Variants in WARS2 observed in about 807,000 individuals in gnomAD.
WARS2 encodes tryptophan--tRNA ligase, mitochondrial.
WARS2 carries 28 observed loss-of-function variants against 36.5 expected under a neutral mutation model. That is an observed-to-expected ratio of 0.77 (90% CI 0.57 to 1.05). The LOEUF is 1.05. WARS2 is among the 50% of genes least tolerant of loss of function. The pLI is 0.00. For missense variants in WARS2, 435 were observed against 456.8 expected (o/e 0.95, Z 0.44); for synonymous variants, 174 against 178.4 (o/e 0.98, Z 0.20).
rs997413919 is a variant in WARS2 at position 119,113,700 on chromosome 1, C to T, written c.90+26855G>A. Among the ~76,000 whole-genome samples the T allele has an allele frequency of 6.6e-5, 10 of 152,182 alleles. No individual in the cohort carries two copies. The South Asian group carries it at 1.9e-3, about 28-fold the overall frequency. On this transcript the variant is annotated intron_variant, in intron 1 of 5. Transcript: ENST00000235521. ...AAAACTGAACAAAAAGATCAAATCC[C>T]TGCACTTTTGGAGTTTACCTTCTCA...
At chr1:119,049,962 C>T (rs376480167) in intron 2 of WARS2, among the ~76,000 whole-genome samples, 1 of 152,196 alleles carries the variant, frequency 6.6e-6, no homozygotes, top group African/African-American at 2.4e-5. Context: ...GCCTAAGTGA[C>T]GCCTTTACAA....
At chr1:119,068,134 C>T (rs1237536872) in intron 2 of WARS2, among the ~76,000 whole-genome samples, 8 of 152,320 alleles carry the variant, frequency 5.3e-5, no homozygotes, top group South Asian at 2.1e-4. Flanking sequence ...CACTAATCTA[C>T]GCAGACGTTT....
intron 1 of WARS2, among the ~76,000 whole-genome samples, chr1:119,096,849 C>T (rs956930953): frequency 2.0e-5 from 3 of 152,156 alleles, no homozygotes; most frequent in African/African-American, 7.2e-5. Flanking sequence ...GAAAATGTAT[C>T]TTCAAAGTGC....
At chr1:119,054,057 A>AAAT (rs1157405434) in intron 2 of WARS2, among the ~76,000 whole-genome samples, 5 of 151,172 alleles carry the variant, frequency 3.3e-5, no homozygotes, top group Admixed American at 6.6e-5. Flanking sequence ...ACCCCCTATC[A>AAAT]AATAATAATA....
intron 2 of WARS2, among the ~76,000 whole-genome samples, chr1:119,058,817 T>C (rs1287659200): frequency 1.4e-5 from 2 of 144,516 alleles, no homozygotes; most frequent in Admixed American, 6.7e-5. Flanking sequence ...CTTTTGGGTA[T>C]ATACCCAGTA....
intron 1 of WARS2, among the ~76,000 whole-genome samples, chr1:119,083,713 T>C (rs1317143326): frequency 3.3e-5 from 5 of 152,204 alleles, no homozygotes; most frequent in Non-Finnish European, 7.3e-5. Context: ...GCAAAGGTTA[T>C]ACGTAAGTAA....
At chr1:119,109,547 G>A (rs891826549) in intron 1 of WARS2, among the ~76,000 whole-genome samples, 8 of 151,706 alleles carry the variant, frequency 5.3e-5, no homozygotes, top group African/African-American at 1.5e-4. Context: ...GTTTTATCAT[G>A]GTATATCCCC....
chr1:119,085,948 G>C (rs1021671829), intron 1 of WARS2: 3 of 1,610,212 alleles, frequency 1.9e-6, no homozygotes, highest in Middle Eastern at 2.2e-4. Context: ...TTAGTTAAAG[G>C]GTTCATCTCC....
chr1:119,122,846 G>T (rs1655414274), intron 1 of WARS2, among the ~76,000 whole-genome samples: 1 of 152,086 alleles, frequency 6.6e-6, no homozygotes. Context: ...AAGACACAAT[G>T]GCATAAGAAT....
At chr1:119,101,140 TG>T (rs1336873495) in intron 1 of WARS2, among the ~76,000 whole-genome samples, 2 of 152,106 alleles carry the variant, frequency 1.3e-5, no homozygotes, top group African/African-American at 4.8e-5. Context: ...ATAAATTCAA[TG>T]TTTGGCAGCA....
intron 4 of WARS2, among the ~76,000 whole-genome samples, chr1:119,034,714 T>C (rs1334761590): frequency 6.6e-6 from 1 of 152,208 alleles, no homozygotes; most frequent in African/African-American, 2.4e-5. Flanking sequence ...TCAATATTCT[T>C]TGGAGTAAGC....
At chr1:119,061,705 G>A (rs1257837761) in intron 2 of WARS2, among the ~76,000 whole-genome samples, 3 of 151,916 alleles carry the variant, frequency 2.0e-5, no homozygotes, top group Admixed American at 2.0e-4. Flanking sequence ...AGAATCAAAA[G>A]AGCAGCAACA....
chr1:119,074,392 G>A (rs901763103), intron 2 of WARS2, among the ~76,000 whole-genome samples: 7 of 152,196 alleles, frequency 4.6e-5, no homozygotes, highest in African/African-American at 1.2e-4. Context: ...TGGAAACAGA[G>A]TTGATTTATT....
intron 1 of WARS2, among the ~76,000 whole-genome samples, chr1:119,099,673 T>C (rs12064109): frequency 0.24 from 36,783 of 152,120 alleles, 4,689 homozygotes; most frequent in Middle Eastern, 0.3. Context: ...AGGAAATAAA[T>C]TTGGAATAGG....
At chr1:119,087,165 AT>A (rs954258047) in intron 1 of WARS2, among the ~76,000 whole-genome samples, 2 of 152,094 alleles carry the variant, frequency 1.3e-5, no homozygotes, top group African/African-American at 2.4e-5. Context: ...CTTGGTAAAT[AT>A]TTTTTTATTT....
chr1:119,109,769 C>T (rs1352791609), intron 1 of WARS2, among the ~76,000 whole-genome samples: 1 of 151,678 alleles, frequency 6.6e-6, no homozygotes, highest in Non-Finnish European at 1.5e-5. Flanking sequence ...GCCTTTTGTT[C>T]TTATTTTTGT....
chr1:119,116,018 C>T (rs1654941975), intron 1 of WARS2, among the ~76,000 whole-genome samples: 2 of 152,140 alleles, frequency 1.3e-5, no homozygotes, highest in Admixed American at 1.3e-4. Context: ...AAGCATTATG[C>T]GTTTGCGCTA....
chr1:119,119,111 C>T (rs1308437391), intron 1 of WARS2, among the ~76,000 whole-genome samples: 1 of 152,046 alleles, frequency 6.6e-6, no homozygotes, highest in Non-Finnish European at 1.5e-5. Context: ...CCTAAATGCT[C>T]CACTTAAAAG....
intron 1 of WARS2, among the ~76,000 whole-genome samples, chr1:119,138,929 G>C (rs1656724224): frequency 6.6e-6 from 1 of 152,126 alleles, no homozygotes; most frequent in Admixed American, 6.5e-5. Flanking sequence ...TTTTTCTTTA[G>C]CATTTATAAT....
Sources: allele counts gnomAD v4.1 joint callset (sites outside exome capture counted in the v4.1 genomes callset), GRCh38; gene constraint gnomAD v4.1.1; transcripts MANE v1.5; gene names NCBI Gene and HGNC (gene_info 2026-07-23, HGNC 2026-07-21).